The following JPH3 variants were observed in gnomAD, a reference collection of about 807,000 sequenced individuals.
JPH3 encodes junctophilin-3.
In JPH3, 11 loss-of-function variants were observed where a neutral mutation model predicts 59.6. That is an observed-to-expected ratio of 0.18 (90% confidence interval 0.12 to 0.31). JPH3 has a LOEUF of 0.31. Ranked by LOEUF, JPH3 falls within the 10% of genes least tolerant of loss-of-function variation. JPH3 has a pLI of 1.00. For synonymous variants in JPH3, 673 were observed against 483.6 expected, an observed-to-expected ratio of 1.39 and a Z score of -5.14; for missense variants, 1,202 against 1,105.7, an observed-to-expected ratio of 1.09 and a Z score of -1.24.
intron 1 of JPH3, among the ~76,000 whole-genome samples, chr16:87,609,361 G>A (rs562722287): frequency 1.3e-5 from 2 of 152,232 alleles, no homozygotes; most frequent in Non-Finnish European, 2.9e-5. Flanking sequence ...CTGCCTCCTG[G>A]GCTCAAGTCA....
chr16:87,610,024 A>T (rs1046024271), intron 1 of JPH3, among the ~76,000 whole-genome samples: 4 of 152,104 alleles, frequency 2.6e-5, no homozygotes, highest in Non-Finnish European at 5.9e-5. Flanking sequence ...GTGATGGGAG[A>T]TAGTGACAGA....
intron 2 of JPH3, among the ~76,000 whole-genome samples, chr16:87,657,622 C>T (rs957595244): frequency 5.3e-5 from 8 of 152,132 alleles, no homozygotes; most frequent in Non-Finnish European, 1.0e-4. Flanking sequence ...TCTCAAGTAC[C>T]AGTCACTCAT....
chr16:87,657,816 C>T (rs144257818), intron 2 of JPH3, among the ~76,000 whole-genome samples: 370 of 152,288 alleles, frequency 2.4e-3, no homozygotes, highest in Non-Finnish European at 4.0e-3. Flanking sequence ...AACTCGGTTA[C>T]GTGACCACAC....
chr16:87,603,584 C>A, intron 1 of JPH3, 56 bp downstream of exon 1: 1 of 1,514,978 alleles, frequency 6.6e-7, no homozygotes, highest in Admixed American at 2.1e-5. Flanking sequence ...TCCGATCGCG[C>A]CCCTTCTGTG....
chr16:87,604,260 G>A (rs1567578066), intron 1 of JPH3: 1 of 1,459,736 alleles, frequency 6.9e-7, no homozygotes, highest in Non-Finnish European at 9.1e-7. Context: ...ATTCGGGGCA[G>A]AGCCGGGGCC....
At chr16:87,695,859 G>C (rs951287891) in intron 4 of JPH3, 15 of 455,970 alleles carry the variant, frequency 3.3e-5, no homozygotes, top group African/African-American at 3.0e-4. Flanking sequence ...GAAGGTGGCA[G>C]CTTGGTCCGA....
chr16:87,655,497 C>A (rs926946892), intron 2 of JPH3, among the ~76,000 whole-genome samples: 2 of 152,108 alleles, frequency 1.3e-5, no homozygotes, highest in Non-Finnish European at 2.9e-5. Flanking sequence ...GGGACCGCAG[C>A]CGTGCACCAC....
At chr16:87,631,459 A>G (rs568037562) in intron 1 of JPH3, among the ~76,000 whole-genome samples, 3 of 152,328 alleles carry the variant, frequency 2.0e-5, no homozygotes, top group Admixed American at 6.5e-5. Context: ...TGAGAAGCCC[A>G]TGCTGTTCTG....
intron 2 of JPH3, among the ~76,000 whole-genome samples, chr16:87,671,304 G>A (rs1469416432): frequency 1.3e-5 from 2 of 152,164 alleles, no homozygotes; most frequent in African/African-American, 2.4e-5. Flanking sequence ...GGGTTGTGCT[G>A]AAGGAGGGAG....
chr16:87,644,130 C>G (rs551935581), intron 1 of JPH3, 128 bp from the exon 2 acceptor site: 1 of 1,006,504 alleles, frequency 9.9e-7, no homozygotes, highest in Non-Finnish European at 1.5e-6. Flanking sequence ...ACAGCGAGAA[C>G]CTGTCTCAAA....
At chr16:87,624,568 T>C (rs3849255) in intron 1 of JPH3, among the ~76,000 whole-genome samples, 49,917 of 152,174 alleles carry the variant, frequency 0.33, 8,447 homozygotes, top group Non-Finnish European at 0.36. Flanking sequence ...GGATGGCTCA[T>C]GGGTGGAAAC....
At chr16:87,629,678 G>C (rs1484587496) in intron 1 of JPH3, among the ~76,000 whole-genome samples, 1 of 151,712 alleles carries the variant, frequency 6.6e-6, no homozygotes. Context: ...GGTTGCCCAG[G>C]GTTGGGGGGG....
At chr16:87,609,066 A>C (rs1191501850) in intron 1 of JPH3, among the ~76,000 whole-genome samples, 1 of 152,134 alleles carries the variant, frequency 6.6e-6, no homozygotes, top group East Asian at 1.9e-4. Flanking sequence ...GCCTGGTCCT[A>C]CTCAGTCGGT....
At chr16:87,628,496 C>T (rs1303675615) in intron 1 of JPH3, among the ~76,000 whole-genome samples, 1 of 152,210 alleles carries the variant, frequency 6.6e-6, no homozygotes, top group East Asian at 1.9e-4. Flanking sequence ...TGCTCTGTTG[C>T]CCGGTGACAG....
chr16:87,690,187 C>T lies in JPH3; in HGVS notation c.1827C>T (p.Ser609=), dbSNP rs139833288. Residue 609 remains serine, a synonymous_variant, in exon 4 of 5, where the codon AGC becomes AGT. Transcript: ENST00000284262. ...TGGAGCTGCAGGAGGAGAAGCTGAG[C>T]AACTACCGGATGGAGATGAAACCCT... ...RLLELQEEKL[S]NYRMEMKPLL... 121 of 1,601,512 alleles carry T rather than the reference C, an allele frequency of 7.6e-5. 1 individual carries two copies. In the African/African-American group the frequency reaches 1.4e-3, roughly 19 times the overall value.
At chr16:87,639,168 C>G (rs2031856634) in intron 1 of JPH3, among the ~76,000 whole-genome samples, 1 of 152,192 alleles carries the variant, frequency 6.6e-6, no homozygotes, top group Admixed American at 6.5e-5. Context: ...TAGCGACTTT[C>G]CAGCACCTTA....
intron 1 of JPH3, among the ~76,000 whole-genome samples, chr16:87,610,671 T>C (rs1323952658): frequency 1.3e-5 from 2 of 152,238 alleles, no homozygotes; most frequent in African/African-American, 4.8e-5. Context: ...ACAATTAGCA[T>C]TAAAACATGC....
At chr16:87,679,062 C>G (rs1188049378) in intron 2 of JPH3, among the ~76,000 whole-genome samples, 1 of 152,220 alleles carries the variant, frequency 6.6e-6, no homozygotes, top group Non-Finnish European at 1.5e-5. Flanking sequence ...CAAATCCTCC[C>G]CATCTTGCAG....
chr16:87,688,120 G>C (rs1451565695), intron 3 of JPH3, among the ~76,000 whole-genome samples: 1 of 152,142 alleles, frequency 6.6e-6, no homozygotes, highest in Admixed American at 6.5e-5. Context: ...TCTGCTCGGG[G>C]GACACCCAAC....
Sources: allele counts gnomAD v4.1 joint callset (sites outside exome capture counted in the v4.1 genomes callset), GRCh38; gene constraint gnomAD v4.1.1; transcripts MANE v1.5; gene names NCBI Gene and HGNC (gene_info 2026-07-23, HGNC 2026-07-21).